Variants in DSCAM observed in about 807,000 individuals in gnomAD.
The protein encoded by DSCAM is DS cell adhesion molecule.
DSCAM carries 47 observed loss-of-function variants against 217.7 expected under a neutral mutation model. That is an observed-to-expected ratio of 0.22 (90% CI 0.17 to 0.28). DSCAM has a LOEUF of 0.28. DSCAM is among the 10% of genes least tolerant of loss of function. DSCAM has a pLI of 1.00. For missense variants in DSCAM, 2,080 were observed against 2,618.3 expected, an observed-to-expected ratio of 0.79 and a Z score of 4.49; for synonymous variants, 1,056 against 1,015.3, an observed-to-expected ratio of 1.04 and a Z score of -0.76.
At chr21:40,140,145 C>T (rs115440614) in intron 18 of DSCAM, among the ~76,000 whole-genome samples, 151 of 152,158 alleles carry the variant, frequency 9.9e-4, no homozygotes, top group African/African-American at 3.1e-3. Flanking sequence ...CGTGAACTGA[C>T]CTGCCTCATA....
chr21:40,543,565 G>C (rs1476401808), intron 3 of DSCAM, among the ~76,000 whole-genome samples: 2 of 152,104 alleles, frequency 1.3e-5, no homozygotes, highest in Non-Finnish European at 2.9e-5. Flanking sequence ...CTCATGGGAA[G>C]GGGGAGCCAC....
At chr21:40,639,182 C>T (rs1294252174) in intron 3 of DSCAM, among the ~76,000 whole-genome samples, 2 of 151,914 alleles carry the variant, frequency 1.3e-5, no homozygotes, top group Admixed American at 6.6e-5. Context: ...ATCCACCCGT[C>T]GCTGGGATCC....
intron 18 of DSCAM, among the ~76,000 whole-genome samples, chr21:40,138,934 TGGTGTATATGG>T (rs1369786403): frequency 7.0e-6 from 1 of 142,122 alleles, no homozygotes; most frequent in Non-Finnish European, 1.5e-5. Context: ...GTGTGGTACA[TGGTGTATATGG>T]GGTGTGTGTG....
intron 19 of DSCAM, among the ~76,000 whole-genome samples, chr21:40,125,162 T>A (rs1339504796): frequency 6.6e-6 from 1 of 152,190 alleles, no homozygotes; most frequent in East Asian, 1.9e-4. Flanking sequence ...ATTCACAGTA[T>A]CCATGTAAGA....
intron 3 of DSCAM, among the ~76,000 whole-genome samples, chr21:40,610,072 G>A (rs1379658811): frequency 6.6e-6 from 1 of 152,186 alleles, no homozygotes; most frequent in African/African-American, 2.4e-5. Context: ...TTTAAAACAA[G>A]CACGGGGCTT....
At chr21:40,527,588 G>A (rs1601717333) in intron 3 of DSCAM, among the ~76,000 whole-genome samples, 1 of 152,188 alleles carries the variant, frequency 6.6e-6, no homozygotes, top group East Asian at 1.9e-4. Flanking sequence ...ACTGAACCTA[G>A]CTGACAGCAG....
At chr21:40,755,614 C>A (rs2091268032) in intron 1 of DSCAM, among the ~76,000 whole-genome samples, 1 of 152,114 alleles carries the variant, frequency 6.6e-6, no homozygotes, top group South Asian at 2.1e-4. Context: ...TGAGAGGCCA[C>A]AGCAGAGTGA....
At chr21:40,798,370 T>G (rs574938164) in intron 1 of DSCAM, among the ~76,000 whole-genome samples, 76 of 152,254 alleles carry the variant, frequency 5.0e-4, no homozygotes, top group African/African-American at 1.8e-3. Flanking sequence ...GCATGAAATT[T>G]ATTAATGCTT....
At chr21:40,671,221 A>G (rs1450852005) in intron 3 of DSCAM, among the ~76,000 whole-genome samples, 1 of 152,254 alleles carries the variant, frequency 6.6e-6, no homozygotes, top group Non-Finnish European at 1.5e-5. Flanking sequence ...ATCCATGCAC[A>G]GTTTTAAATA....
At chr21:40,201,758 T>G (rs75999050) in intron 11 of DSCAM, among the ~76,000 whole-genome samples, 5,240 of 152,192 alleles carry the variant, frequency 0.034, 311 homozygotes, top group African/African-American at 0.12. Flanking sequence ...TCTTAATAAT[T>G]ATGTAGAAAA....
intron 10 of DSCAM, among the ~76,000 whole-genome samples, chr21:40,290,007 G>A (rs1161997557): frequency 1.3e-5 from 2 of 152,164 alleles, no homozygotes; most frequent in Admixed American, 6.5e-5. Flanking sequence ...CAGAACCGGA[G>A]TTGGCACAAA....
intron 10 of DSCAM, among the ~76,000 whole-genome samples, chr21:40,279,955 C>G (rs534430020): frequency 6.6e-6 from 1 of 151,960 alleles, no homozygotes; most frequent in South Asian, 2.1e-4. Context: ...CATACTGGGG[C>G]CTGTGAGGGG....
chr21:40,201,810 T>C (rs763815646), intron 11 of DSCAM, among the ~76,000 whole-genome samples: 1 of 152,114 alleles, frequency 6.6e-6, no homozygotes, highest in Admixed American at 6.5e-5. Context: ...CCATCAATGA[T>C]AGTAAAAAAA....
At chr21:40,760,623 A>G (rs1203952016) in intron 1 of DSCAM, among the ~76,000 whole-genome samples, 1 of 152,256 alleles carries the variant, frequency 6.6e-6, no homozygotes, top group Non-Finnish European at 1.5e-5. Flanking sequence ...GCAAGAGTCA[A>G]GGAAGCCTCA....
chr21:40,274,138 CT>C (rs938840542), intron 11 of DSCAM, among the ~76,000 whole-genome samples: 10 of 152,170 alleles, frequency 6.6e-5, no homozygotes, highest in Non-Finnish European at 1.5e-4. Flanking sequence ...GCAAAAGCTC[CT>C]AGAGGGCAGG....
At chr21:40,030,020 A>C (rs2088487558) in intron 32 of DSCAM, among the ~76,000 whole-genome samples, 1 of 152,250 alleles carries the variant, frequency 6.6e-6, no homozygotes, top group African/African-American at 2.4e-5. Flanking sequence ...ATGCGTGCAC[A>C]CATACACATT....
intron 29 of DSCAM, 101 bp from the exon 30 acceptor site, chr21:40,052,208 C>A (rs1436541723): frequency 1.7e-5 from 23 of 1,320,052 alleles, no homozygotes; most frequent in Middle Eastern, 2.3e-4. Flanking sequence ...TTGTTAATGA[C>A]AACCACAATA....
chr21:40,347,543 G>C, intron 6 of DSCAM, 127 bp downstream of exon 6: 6 of 1,280,182 alleles, frequency 4.7e-6, no homozygotes, highest in Non-Finnish European at 6.5e-6. Context: ...TTAGGGTAGA[G>C]TACTAGCTGG....
chr21:40,561,820 A>G (rs778897247), intron 3 of DSCAM, among the ~76,000 whole-genome samples: 2 of 152,148 alleles, frequency 1.3e-5, no homozygotes, highest in Non-Finnish European at 2.9e-5. Context: ...ACATCACTTA[A>G]GGGAAAACAA....
Sources: allele counts gnomAD v4.1 joint callset (sites outside exome capture counted in the v4.1 genomes callset), GRCh38; gene constraint gnomAD v4.1.1; transcripts MANE v1.5; gene names NCBI Gene and HGNC (gene_info 2026-07-23, HGNC 2026-07-21).